Variants in BMP5 observed in about 807,000 individuals in gnomAD.
The protein encoded by BMP5 is bone morphogenetic protein 5.
BMP5 carries 23 observed loss-of-function variants against 46.6 expected under a neutral mutation model. That is an observed-to-expected ratio of 0.49 (90% CI 0.35 to 0.70). BMP5 has a LOEUF of 0.70. BMP5 is among the 30% of genes least tolerant of loss of function. The pLI is 0.00. For missense variants in BMP5, 545 were observed against 565.6 expected (o/e 0.96, Z 0.37); for synonymous variants, 204 against 191.9 (o/e 1.06, Z -0.52).
chr6:55,793,748 G>A (rs1467970102), intron 3 of BMP5, among the ~76,000 whole-genome samples: 1 of 152,100 alleles, frequency 6.6e-6, no homozygotes, highest in African/African-American at 2.4e-5. Flanking sequence ...TTTTTCTGCA[G>A]TTTTTTGTGA....
chr6:55,865,379 A>G (rs1414638519), intron 1 of BMP5: 1 of 493,796 alleles, frequency 2.0e-6, no homozygotes, highest in Non-Finnish European at 4.0e-6. Context: ...TTAAAGTAAA[A>G]CCATGGAATA....
At chr6:55,789,027 T>C (rs1203915258) in intron 3 of BMP5, among the ~76,000 whole-genome samples, 1 of 151,840 alleles carries the variant, frequency 6.6e-6, no homozygotes, top group Non-Finnish European at 1.5e-5. Flanking sequence ...AAGTTTTACC[T>C]TGATGTGGTT....
chr6:55,790,017 G>T (rs1453871704), intron 3 of BMP5, among the ~76,000 whole-genome samples: 2 of 152,066 alleles, frequency 1.3e-5, no homozygotes, highest in Non-Finnish European at 2.9e-5. Flanking sequence ...TTTGATTTCA[G>T]CAGCCTTTTG....
chr6:55,855,499 T>C (rs1777371856), intron 1 of BMP5, among the ~76,000 whole-genome samples: 1 of 152,160 alleles, frequency 6.6e-6, no homozygotes. Context: ...TTTTTATTTG[T>C]TTGGGATTTT....
intron 1 of BMP5, among the ~76,000 whole-genome samples, chr6:55,829,710 T>C (rs549329839): frequency 6.6e-6 from 1 of 151,704 alleles, no homozygotes; most frequent in African/African-American, 2.4e-5. Flanking sequence ...TACATAACCA[T>C]GCAAAAAAAA....
intron 1 of BMP5, among the ~76,000 whole-genome samples, chr6:55,870,936 AC>A (rs1444641370): frequency 2.0e-5 from 3 of 152,050 alleles, no homozygotes; most frequent in Non-Finnish European, 1.5e-5. Flanking sequence ...TCAAAGTTCA[AC>A]TTTTTCCAGA....
At chr6:55,780,421 C>T (rs1317073870) in intron 3 of BMP5, among the ~76,000 whole-genome samples, 1 of 122,184 alleles carries the variant, frequency 8.2e-6, no homozygotes, top group African/African-American at 3.2e-5. Flanking sequence ...AAGATCGAGA[C>T]CATTCTGGTT....
intron 2 of BMP5, among the ~76,000 whole-genome samples, chr6:55,799,901 G>T (rs1775802542): frequency 6.6e-6 from 1 of 152,118 alleles, no homozygotes; most frequent in Non-Finnish European, 1.5e-5. Flanking sequence ...GGTTTGCACA[G>T]ACCTCCCCAC....
chr6:55,779,584 G>A (rs2127523430), intron 3 of BMP5, among the ~76,000 whole-genome samples: 1 of 152,128 alleles, frequency 6.6e-6, no homozygotes, highest in South Asian at 2.1e-4. Context: ...CCAGCATACA[G>A]AATAAATCAT....
rs144636531 is a variant in BMP5 at position 55,775,120 on chromosome 6, T to C, written c.833-877A>G. On this transcript the variant is annotated intron_variant, in intron 3 of 6. Coordinates refer to ENST00000370830, the MANE Select transcript of BMP5 (RefSeq NM_021073.4). Reference sequence around the variant, plus strand: ...GTTCTTTGATGTGGTTATATATCAGTGAAAAGGGACACAACAAGTACCAAT... The same window carrying C: ...GTTCTTTGATGTGGTTATATATCAGCGAAAAGGGACACAACAAGTACCAAT... Among the ~76,000 whole-genome samples, 480 of 151,982 alleles carry C rather than the reference T, an allele frequency of 3.2e-3. 3 individuals carry two copies. Among genetic ancestry groups the C allele is most frequent in the African/African-American group, 0.011 (446 of 41,500 alleles).
intron 3 of BMP5, among the ~76,000 whole-genome samples, chr6:55,792,407 G>A (rs916454979): frequency 2.0e-5 from 3 of 151,982 alleles, no homozygotes; most frequent in Admixed American, 6.6e-5. Context: ...GGTGGCAGGC[G>A]CCTGTAGTCC....
intron 3 of BMP5, among the ~76,000 whole-genome samples, chr6:55,779,674 A>C (rs1307717377): frequency 6.6e-6 from 1 of 152,006 alleles, no homozygotes; most frequent in African/African-American, 2.4e-5. Context: ...ATTTACTATA[A>C]TCTTAAATTA....
intron 2 of BMP5, among the ~76,000 whole-genome samples, chr6:55,796,622 G>C (rs112733130): frequency 6.6e-6 from 1 of 151,462 alleles, no homozygotes; most frequent in Non-Finnish European, 1.5e-5. Context: ...CTAGCATTAG[G>C]TATATCTCCC....
Position 55,874,372 on chromosome 6 carries a change from A to G in BMP5, c.490+4T>C, listed in dbSNP as rs376723292. On this transcript the variant is annotated splice_donor_region_variant and intron_variant, in intron 1 of 6. Coordinates refer to ENST00000370830, the MANE Select transcript of BMP5 (RefSeq NM_021073.4). ...ATAGATTAACAAACAAATGAACAAC[A>G]TACCTAAGTTGACAAAGCTCATGAC... 4.0e-5 allele frequency: 64 copies of G among 1,612,890 alleles called. No individual in the cohort carries two copies. The highest frequency in any genetic ancestry group is 5.2e-5 in the Non-Finnish European group (61 of 1,179,362).
chr6:55,782,666 T>C (rs1775352395), intron 3 of BMP5, among the ~76,000 whole-genome samples: 1 of 152,138 alleles, frequency 6.6e-6, no homozygotes, highest in Non-Finnish European at 1.5e-5. Context: ...AGAATACTTC[T>C]ACATATAAAC....
intron 4 of BMP5, among the ~76,000 whole-genome samples, chr6:55,770,888 C>A (rs1775032958): frequency 6.6e-6 from 1 of 151,800 alleles, no homozygotes; most frequent in African/African-American, 2.4e-5. Context: ...CATTTACTTC[C>A]CATCTTATAT....
Position 55,755,221 on chromosome 6 carries a change from A to G in BMP5, c.*312T>C, listed in dbSNP as rs1205575118. 1 of 188,294 alleles carries G rather than the reference A, an allele frequency of 5.3e-6. No individual in the cohort carries two copies. The highest frequency in any genetic ancestry group is 2.4e-5 in the African/African-American group (1 of 42,472). The allele number at this position is 188,294 out of a possible 1,614,324, so 11.7% of individuals were successfully genotyped here. A position where few individuals can be genotyped will look rare whatever the true frequency, so the allele number is the denominator to read the frequency against. On this transcript the variant is annotated 3_prime_UTR_variant, in exon 7 of 7. Transcript: ENST00000370830. Reference sequence around the variant, plus strand: ...TCTGTCTAATCTCAGAAAATTATGTAAAATTGTATTAGAAAAAAATGTTGA... The same window carrying G: ...TCTGTCTAATCTCAGAAAATTATGTGAAATTGTATTAGAAAAAAATGTTGA...
intron 1 of BMP5, among the ~76,000 whole-genome samples, chr6:55,849,504 C>G (rs1777173692): frequency 6.6e-6 from 1 of 151,852 alleles, no homozygotes; most frequent in African/African-American, 2.4e-5. Flanking sequence ...AATATTTAGG[C>G]AGTGTGAATG....
intron 2 of BMP5, among the ~76,000 whole-genome samples, chr6:55,806,171 A>G (rs2127533358): frequency 6.6e-6 from 1 of 152,210 alleles, no homozygotes; most frequent in Admixed American, 6.5e-5. Context: ...GGTATTGCCT[A>G]GGTTTTCTTC....
Sources: allele counts gnomAD v4.1 joint callset (sites outside exome capture counted in the v4.1 genomes callset), GRCh38; gene constraint gnomAD v4.1.1; transcripts MANE v1.5; gene names NCBI Gene and HGNC (gene_info 2026-07-23, HGNC 2026-07-21).